SLC24A1: variants seen among roughly 807,000 people sequenced by gnomAD.
The protein encoded by SLC24A1 is solute carrier family 24 member 1, also known as sodium/potassium/calcium exchanger 1.
A neutral mutation model predicts 88.1 loss-of-function variants in SLC24A1; 52 were observed. That is an observed-to-expected ratio of 0.59 (90% CI 0.47 to 0.74). The LOEUF is 0.74. SLC24A1 is among the 30% of genes least tolerant of loss of function. The probability of loss-of-function intolerance (pLI) is 0.00; values close to 1 mark genes in which losing one functional copy is unlikely to be tolerated. For missense variants in SLC24A1, 1,173 were observed against 1,363.3 expected, an observed-to-expected ratio of 0.86 and a Z score of 2.20; for synonymous variants, 455 against 498.0, an observed-to-expected ratio of 0.91 and a Z score of 1.15.
intron 6 of SLC24A1, among the ~76,000 whole-genome samples, chr15:65,649,780 A>C (rs1045348282): frequency 2.0e-5 from 3 of 152,212 alleles, no homozygotes; most frequent in Non-Finnish European, 4.4e-5. Flanking sequence ...GTTTTAGTAG[A>C]CTCAGCAATG....
At chr15:65,611,404 C>T, upstream of SLC24A1, 2 of 586,448 alleles carry the variant, frequency 3.4e-6, no homozygotes, top group Non-Finnish European at 6.1e-6. Flanking sequence ...TGTCTCTCTG[C>T]ATTGCCCTGA....
rs1175605145 is a variant in SLC24A1, at chr15:65,654,725, G to A, written c.*646G>A. 3.4e-6 allele frequency: 4 copies of A among 1,159,546 alleles called. No individual in the cohort carries two copies. Among genetic ancestry groups the A allele is most frequent in the Non-Finnish European group, 4.5e-6 (4 of 886,528 alleles). 71.8% of individuals were successfully genotyped at this position (1,159,546 alleles called of 1,614,324 possible). The stretch of plus-strand genomic sequence containing the variant: ...GTATTTTCTTTTTTTTTTTTTTTGA[G>A]ACAGAGTTTGGCTCTTGTTGCCCAG... On this transcript the variant is annotated 3_prime_UTR_variant, in exon 10 of 10. Coordinates refer to ENST00000261892, the MANE Select transcript of SLC24A1 (RefSeq NM_004727.3).
At chr15:65,640,122 C>G (rs1596330281) in intron 4 of SLC24A1, among the ~76,000 whole-genome samples, 1 of 152,200 alleles carries the variant, frequency 6.6e-6, no homozygotes, top group African/African-American at 2.4e-5. Context: ...CCCAGGCTGA[C>G]TGGCCTGGGC....
At chr15:65,657,765 G>A (rs1046460333), downstream of SLC24A1, among the ~76,000 whole-genome samples, 2 of 152,200 alleles carry the variant, frequency 1.3e-5, no homozygotes, top group East Asian at 1.9e-4. Context: ...CAATGTGTAC[G>A]GGGACTGGAT....
chr15:65,612,315 G>A (rs1193536790), intron 1 of SLC24A1: 1 of 152,340 alleles, frequency 6.6e-6, no homozygotes, highest in African/African-American at 2.4e-5. Flanking sequence ...GCCTCTAGAA[G>A]GCCTCAGGCA....
chr15:65,620,656 A>T (rs2074290565), upstream of SLC24A1, among the ~76,000 whole-genome samples: 1 of 152,242 alleles, frequency 6.6e-6, no homozygotes, highest in African/African-American at 2.4e-5. Context: ...GACACCAGGA[A>T]GAACTCCTTG....
chr15:65,655,688 G>C lies in SLC24A1; in HGVS notation c.*1609G>C. ...TTCACTGAAGATGAAAAGATAGGAC[G>C]GATGTGATATGAAAAAAACCCAAAC... On this transcript the variant is annotated 3_prime_UTR_variant, in exon 10 of 10. Coordinates refer to ENST00000261892, the MANE Select transcript of SLC24A1 (RefSeq NM_004727.3). 1 of 985,250 alleles carries C rather than the reference G, an allele frequency of 1.0e-6. No homozygotes were observed. Among genetic ancestry groups the C allele is most frequent in the South Asian group, 4.7e-5 (1 of 21,280 alleles). The allele number at this position is 985,250 out of a possible 1,614,324, so 61.0% of individuals were successfully genotyped here.
Position 65,651,714 on chromosome 15 carries a change from G to A in SLC24A1, c.2838G>A (p.Met946Ile), listed in dbSNP as rs760348512. The change falls in exon 8 of 10, where the codon ATG becomes ATA. Residue 946 changes from methionine to isoleucine, a missense_variant. Physicochemically the swap from Met to Ile is conservative, Grantham distance 10 (BLOSUM62 1). Coordinates refer to ENST00000261892, the MANE Select transcript of SLC24A1 (RefSeq NM_004727.3). The stretch of plus-strand genomic sequence containing the variant: ...TTTTCACCTTCCTGGGATCTATCAT[G>A]TGGATAGCCATGTTCTCATACCTCA... The part of the protein sequence containing the change: ...FFVFTFLGSI[M>I]WIAMFSYLMV... 6.2e-6 allele frequency: 10 copies of A among 1,611,348 alleles called. No individual in the cohort carries two copies. The highest frequency in any genetic ancestry group is 1.7e-4 in the Middle Eastern group (1 of 6,056).
chr15:65,632,956 C>T (rs1184885602), intron 2 of SLC24A1, among the ~76,000 whole-genome samples: 1 of 152,202 alleles, frequency 6.6e-6, no homozygotes, highest in African/African-American at 2.4e-5. Flanking sequence ...CAGTAGTTTA[C>T]ACTATCACGT....
chr15:65,650,246 A>C lies in SLC24A1; in HGVS notation c.2233-136A>C. On this transcript the variant is annotated intron_variant, in intron 6 of 9. Transcript: ENST00000261892. The surrounding 1 kb of genome is among the most constrained non-coding windows in gnomAD (Gnocchi z 4.1). Reference sequence around the variant, plus strand: ...GTGGTCATGGGAATTCTGCTGAATTATCGCACTAGTTTTCTCCTCATACTT... The same window carrying C: ...GTGGTCATGGGAATTCTGCTGAATTCTCGCACTAGTTTTCTCCTCATACTT... 1.5e-6 allele frequency: 1 copy of C among 665,468 alleles called. No individual in the cohort carries two copies. 41.2% of individuals were successfully genotyped at this position (665,468 alleles called of 1,614,324 possible).
downstream of SLC24A1, chr15:65,660,002 C>T: frequency 6.1e-6 from 2 of 329,926 alleles, no homozygotes; most frequent in Non-Finnish European, 1.1e-5. Flanking sequence ...TAGAAGAGAA[C>T]CCCAGACGGT....
At chr15:65,656,972 C>T (rs1312203034), downstream of SLC24A1, among the ~76,000 whole-genome samples, 4 of 152,254 alleles carry the variant, frequency 2.6e-5, no homozygotes, top group Admixed American at 6.5e-5. Context: ...TGGGCTCAAG[C>T]GATCCTCCCG....
intron 2 of SLC24A1, among the ~76,000 whole-genome samples, chr15:65,635,916 A>G (rs2074917462): frequency 6.6e-6 from 1 of 152,244 alleles, no homozygotes; most frequent in South Asian, 2.1e-4. Context: ...TAAAGCCACC[A>G]GAATAGCACC....
At chr15:65,660,316 C>T (rs1290404847), downstream of SLC24A1, 8 of 1,534,602 alleles carry the variant, frequency 5.2e-6, no homozygotes, top group Admixed American at 1.4e-4. Context: ...TGGTGCTATT[C>T]ACTAATGGTG....
At chr15:65,615,940 C>T (rs948524692) in intron 2 of SLC24A1, among the ~76,000 whole-genome samples, 3 of 139,370 alleles carry the variant, frequency 2.2e-5, no homozygotes, top group Non-Finnish European at 4.5e-5. Flanking sequence ...CAAGTAATCT[C>T]ATTGTTCAAT....
At chr15:65,657,456 A>G (rs1319904956), downstream of SLC24A1, among the ~76,000 whole-genome samples, 5 of 151,856 alleles carry the variant, frequency 3.3e-5, no homozygotes, top group African/African-American at 9.7e-5. Context: ...CCTGGCTAAC[A>G]CGGTGAAACC....
intron 9 of SLC24A1, 131 bp from the exon 10 acceptor site, chr15:65,653,699 C>A: frequency 1.1e-6 from 1 of 882,914 alleles, no homozygotes; most frequent in Non-Finnish European, 1.7e-6. Flanking sequence ...TGAAATGGGG[C>A]TAATAATTTC....
rs76666317 is a variant in SLC24A1 at position 65,623,831 on chromosome 15, A to G, written c.-126-124A>G. 1,617 of 433,278 alleles carry G rather than the reference A, an allele frequency of 3.7e-3. 22 individuals carry two copies. The highest frequency in any genetic ancestry group is 0.03 in the African/African-American group (1,502 of 49,884). The allele number at this position is 433,278 out of a possible 1,614,324, so 26.8% of individuals were successfully genotyped here. A position where few individuals can be genotyped will look rare whatever the true frequency, so the allele number is the denominator to read the frequency against. On this transcript the variant is annotated intron_variant, in intron 1 of 9. Transcript: ENST00000261892. Reference sequence around the variant, plus strand: ...GGGGCAGGAGTAGTTTACTCTTGCAAAGACCCCATGCATGATACTTTTGTG... The same window carrying G: ...GGGGCAGGAGTAGTTTACTCTTGCAGAGACCCCATGCATGATACTTTTGTG...
intron 5 of SLC24A1, 87 bp downstream of exon 5, chr15:65,644,600 C>T: frequency 3.3e-6 from 3 of 897,666 alleles, no homozygotes; most frequent in South Asian, 3.0e-5. Flanking sequence ...CAGCAGCCAG[C>T]CAGGCCAGGG....
Sources: allele counts gnomAD v4.1 joint callset (sites outside exome capture counted in the v4.1 genomes callset), GRCh38; gene constraint gnomAD v4.1.1; non-coding constraint Gnocchi (gnomAD v3.1); transcripts MANE v1.5; gene names NCBI Gene and HGNC (gene_info 2026-07-23, HGNC 2026-07-21).